The following SEC16A variants were observed in gnomAD, a reference collection of about 807,000 sequenced individuals.
The protein encoded by SEC16A is protein transport protein Sec16A.
In SEC16A, 110 loss-of-function variants were observed where a neutral mutation model predicts 221.9. That is an observed-to-expected ratio of 0.50 (90% CI 0.42 to 0.58). The LOEUF (loss-of-function observed/expected upper bound fraction) is 0.58, where lower values mean the gene tolerates loss of function less well. Among genes scored for constraint, SEC16A ranks in the 20% least tolerant of loss-of-function variants. The pLI is 0.00. For synonymous variants in SEC16A, 1,393 were observed against 1,257.7 expected (o/e 1.11, Z -2.28); for missense variants, 3,165 against 3,097.8 (o/e 1.02, Z -0.52).
rs757496613 is a variant in SEC16A at position 136,457,453 on chromosome 9, C to T, written c.5541G>A (p.Gln1847=). Residue 1847 remains glutamine (Q), a synonymous_variant, in exon 18 of 32, where the codon CAG becomes CAA. Transcript: ENST00000684901. ...GCGCCAGGGGCAGCACCTGCACAAG[C>T]TGGCTGATCAACACCGGGGAATACA... is the stretch of plus-strand genomic sequence containing the variant. The part of the protein sequence containing the change: ...PHLYSPVLIS[Q]LVQMASQLRL... 4.4e-6 allele frequency: 7 copies of T among 1,603,680 alleles called. No individual in the cohort carries two copies. The highest frequency in any genetic ancestry group is 1.1e-5 in the South Asian group (1 of 89,182).
chr9:136,460,048 C>T lies in SEC16A; in HGVS notation c.5067G>A (p.Ala1689=), dbSNP rs373236927. The change falls in exon 14 of 32, where the codon GCG becomes GCA. Residue 1689 remains alanine (A), a synonymous_variant. Transcript: ENST00000684901. ...YQLMSGRMPA[A]STCCGDEKWG... is the part of the protein sequence containing the mutation. ...ACCAGGCAGTGCCACTCACCGTGGA[C>T]GCGGCAGGCATCCGTCCGGACATGA... 3.3e-4 allele frequency: 526 copies of T among 1,602,760 alleles called. 2 individuals are homozygous for T. Among genetic ancestry groups the T allele is most frequent in the Non-Finnish European group, 1.4e-4 (161 of 1,174,686 alleles).
At position 136,445,636 on chromosome 9, in the gene SEC16A, A is replaced by G. The variant is rs1338652411; in HGVS notation, c.6867+9T>C. The G allele has an allele frequency of 6.5e-7, 1 of 1,548,370 alleles. No homozygotes were observed. The highest frequency in any genetic ancestry group is 2.4e-5 in the East Asian group (1 of 40,872). ...GGCTGCGGGGGGCCCTGGCGTCGGC[A>G]CTCCTTACCTCTCCTCCCTGGGAAC... On this transcript the variant is annotated intron_variant, in intron 29 of 31. Transcript: ENST00000684901.
chr9:136,451,491 G>GT, intron 22 of SEC16A, 83 bp from the exon 23 acceptor site: 1 of 1,440,786 alleles, frequency 6.9e-7, no homozygotes, highest in Non-Finnish European at 9.3e-7. Flanking sequence ...TTCCCCAGGC[G>GT]TGTTTCCTAA....
chr9:136,443,525 A>T (rs1796934245), intron 31 of SEC16A, among the ~76,000 whole-genome samples: 1 of 152,178 alleles, frequency 6.6e-6, no homozygotes, highest in Non-Finnish European at 1.5e-5. Flanking sequence ...TCTACAAAAC[A>T]TAAAAAATTT....
chr9:136,451,554 G>A, intron 22 of SEC16A, 146 bp from the exon 23 acceptor site: 2 of 957,142 alleles, frequency 2.1e-6, no homozygotes, highest in Non-Finnish European at 3.0e-6. Context: ...GGCAGGAAGG[G>A]GGCTGGGGAG....
In SEC16A at chr9:136,474,528, A is replaced by C. The variant is rs1203440099; in HGVS notation, c.3088T>G (p.Ser1030Ala). ...QQSVASHPRQ[S>A]GPGAPNLDRF... ...TCAAGGTTAGGCGCCCCAGGCCCAG[A>C]TTGTCTGGGATGACTGGCAACACTT... Residue 1030 changes from serine to alanine, a missense_variant, in exon 3 of 32, where the codon TCT (serine) becomes GCT (alanine). Physicochemically the swap from Ser to Ala is moderately conservative, Grantham distance 99 (BLOSUM62 1). Coordinates refer to ENST00000684901, the MANE Select transcript of SEC16A (RefSeq NM_014866.2). 1 of 1,612,884 alleles carries C rather than the reference A, an allele frequency of 6.2e-7. No individual in the cohort carries two copies. Among genetic ancestry groups the C allele is most frequent in the Non-Finnish European group, 8.5e-7 (1 of 1,179,816 alleles).
At chr9:136,472,919 C>G (rs753767933) in intron 3 of SEC16A, among the ~76,000 whole-genome samples, 2 of 152,242 alleles carry the variant, frequency 1.3e-5, no homozygotes, top group Admixed American at 1.3e-4. Context: ...GCAGGAGGAC[C>G]GGACAAAGGA....
chr9:136,478,036 C>T (rs1201505124), intron 2 of SEC16A, among the ~76,000 whole-genome samples: 7 of 152,224 alleles, frequency 4.6e-5, no homozygotes, highest in African/African-American at 1.7e-4. Flanking sequence ...CTGTGATATG[C>T]TACCAGACCC....
At position 136,475,540 on chromosome 9, in the gene SEC16A, T is replaced by G; in HGVS notation, c.2076A>C (p.Ala692=). The G allele has an allele frequency of 1.9e-6, 3 of 1,613,178 alleles. No individual in the cohort carries two copies. Among genetic ancestry groups the G allele is most frequent in the Non-Finnish European group, 2.5e-6 (3 of 1,179,618 alleles). The change falls in exon 3 of 32, where the codon GCA becomes GCC. Residue 692 remains alanine, a synonymous_variant. Transcript: ENST00000684901. The surrounding 1 kb of genome is among the most constrained non-coding windows in gnomAD (Gnocchi z 5.0). ...ACACAGTATCCAAGGGCGGTGCCCC[T>G]GCGTGCGGAAGCATGTGCACAGCTT... The part of the protein sequence containing the change: ...TTEAVHMLPH[A]GAPPLDTVYP...
chr9:136,467,801 C>A (rs569586477), intron 5 of SEC16A, among the ~76,000 whole-genome samples: 4 of 152,232 alleles, frequency 2.6e-5, no homozygotes, highest in African/African-American at 9.6e-5. Context: ...TGATACTTGT[C>A]AAGGGGATTC....
intron 4 of SEC16A, among the ~76,000 whole-genome samples, chr9:136,471,583 G>A (rs1199563533): frequency 2.0e-5 from 3 of 152,206 alleles, no homozygotes; most frequent in South Asian, 2.1e-4. Flanking sequence ...CCAGGCCTCC[G>A]GAGACCGGTG....
In SEC16A at chr9:136,475,284, G is replaced by A; in HGVS notation, c.2332C>T (p.Pro778Ser). ...QQSRNPSSAA[P>S]VQSRGGIGAS... ...CCAATGCCACCTCGGCTCTGCACCG[G>A]GGCCGCCGAGCTTGGGTTCCGTGAC... The change falls in exon 3 of 32, where the codon CCG (proline) becomes TCG (serine). Residue 778 changes from proline to serine, a missense_variant. Physicochemically the swap from Pro to Ser is moderately conservative, Grantham distance 74 (BLOSUM62 -1). Coordinates refer to ENST00000684901, the MANE Select transcript of SEC16A (RefSeq NM_014866.2). The surrounding 1 kb of genome is among the most constrained non-coding windows in gnomAD (Gnocchi z 5.0). The A allele has an allele frequency of 6.2e-7, 1 of 1,613,506 alleles. No individual in the cohort carries two copies. The highest frequency in any genetic ancestry group is 8.5e-7 in the Non-Finnish European group (1 of 1,179,820).
chr9:136,457,309 G>T, intron 18 of SEC16A, 135 bp downstream of exon 18: 1 of 947,652 alleles, frequency 1.1e-6, no homozygotes, highest in Non-Finnish European at 1.5e-6. Context: ...ATCTTTATCC[G>T]CCCAAGAGGC....
In SEC16A at chr9:136,475,557, G is replaced by C. The variant is rs1305226123; in HGVS notation, c.2059C>G (p.His687Asp). 1 of 1,613,456 alleles carries C rather than the reference G, an allele frequency of 6.2e-7. No homozygotes were observed. The highest frequency in any genetic ancestry group is 8.5e-7 in the Non-Finnish European group (1 of 1,179,748). The change falls in exon 3 of 32, where the codon CAC becomes GAC. Residue 687 changes from histidine to aspartate, a missense_variant. Physicochemically the swap from His to Asp is moderately conservative, Grantham distance 81. Coordinates refer to ENST00000684901, the MANE Select transcript of SEC16A (RefSeq NM_014866.2). This position sits in a 1 kb window ranked among gnomAD's most constrained non-coding sequence, Gnocchi z 5.0. ...LPLNSTTEAV[H>D]MLPHAGAPPL... Reference sequence around the variant, plus strand: ...GGTGCCCCTGCGTGCGGAAGCATGTGCACAGCTTCCGTGGTGGAGTTAAGA... The same window carrying C: ...GGTGCCCCTGCGTGCGGAAGCATGTCCACAGCTTCCGTGGTGGAGTTAAGA...
At chr9:136,470,397 C>G (rs1182229245) in intron 4 of SEC16A, among the ~76,000 whole-genome samples, 5 of 152,242 alleles carry the variant, frequency 3.3e-5, no homozygotes, top group Non-Finnish European at 5.9e-5. Flanking sequence ...GAAAACGGAA[C>G]AGTGAGAATG....
Position 136,443,903 on chromosome 9 carries a change from G to A in SEC16A, c.6928-3C>T, listed in dbSNP as rs913280314. The A allele has an allele frequency of 4.4e-6, 7 of 1,605,592 alleles. No individual in the cohort carries two copies. The highest frequency in any genetic ancestry group is 6.0e-6 in the Non-Finnish European group (7 of 1,176,306). Reference sequence around the variant, plus strand: ...GCAGCAGGGAGGTCGCCAGGAGCCTGAGAAGCACAGAGAAGTCACCTCAGC... The same window carrying A: ...GCAGCAGGGAGGTCGCCAGGAGCCTAAGAAGCACAGAGAAGTCACCTCAGC... On this transcript the variant is annotated splice_region_variant and splice_polypyrimidine_tract_variant and intron_variant, in intron 30 of 31. Transcript: ENST00000684901.
rs768876520 is a variant in SEC16A at position 136,477,518 on chromosome 9, C to G, written c.98G>C (p.Arg33Thr). ...SVFWASSPYR[R>T]RANNNAAVAP... ...CACTGCTGCATTATTATTAGCCCGT[C>G]TCCTGTAAGGGCTGCTAGCCCAGAA... The change falls in exon 3 of 32, where the codon AGA (arginine) becomes ACA (threonine). Residue 33 changes from arginine (R) to threonine (T), a missense_variant. Coordinates refer to ENST00000684901, the MANE Select transcript of SEC16A (RefSeq NM_014866.2). 5 of 1,613,870 alleles carry G rather than the reference C, an allele frequency of 3.1e-6. No homozygotes were observed. Among genetic ancestry groups the G allele is most frequent in the Non-Finnish European group, 4.2e-6 (5 of 1,179,884 alleles).
chr9:136,483,361 CCT>C (rs1308581726), upstream of SEC16A: 1 of 489,940 alleles, frequency 2.0e-6, no homozygotes, highest in East Asian at 1.6e-4. Context: ...TCGTTCCTCG[CCT>C]CATTCTTTCG....
At chr9:136,454,556 C>T (rs1442624327) in intron 20 of SEC16A, among the ~76,000 whole-genome samples, 1 of 152,186 alleles carries the variant, frequency 6.6e-6, no homozygotes, top group Non-Finnish European at 1.5e-5. Flanking sequence ...GGCACTTGAG[C>T]AGTCACAGCG....
Sources: gnomAD v4.1 joint callset for allele counts (sites outside exome capture counted in the v4.1 genomes callset) on GRCh38, gnomAD v4.1.1 for gene constraint, Gnocchi (gnomAD v3.1) non-coding constraint, MANE v1.5 for transcripts, NCBI Gene and HGNC (gene_info 2026-07-23, HGNC 2026-07-21) for gene names.